The following STOX2 variants were observed in gnomAD, a reference collection of about 807,000 sequenced individuals.
STOX2 encodes storkhead box 2, also known as storkhead-box protein 2.
STOX2 carries 28 observed loss-of-function variants against 60.9 expected under a neutral mutation model. The observed-to-expected ratio is 0.46, with a 90% CI of 0.34 to 0.63. STOX2 has a LOEUF of 0.63. Among genes scored for constraint, STOX2 ranks in the 30% least tolerant of loss-of-function variants. STOX2 has a pLI of 0.01. For synonymous variants in STOX2, 472 were observed against 463.9 expected (o/e 1.02, Z -0.22); for missense variants, 1,024 against 1,187.7 (o/e 0.86, Z 2.03).
intron 1 of STOX2, among the ~76,000 whole-genome samples, chr4:183,879,226 C>G (rs1209692174): frequency 6.6e-6 from 1 of 152,222 alleles, no homozygotes; most frequent in Non-Finnish European, 1.5e-5. Flanking sequence ...TGTCCCCGGG[C>G]TCACTGCCAC....
intron 1 of STOX2, among the ~76,000 whole-genome samples, chr4:183,807,784 C>T (rs1002250882): frequency 1.3e-5 from 2 of 152,182 alleles, no homozygotes; most frequent in East Asian, 1.9e-4. Flanking sequence ...GCATGGGAGA[C>T]GGCCCAGATG....
rs149081623 is a variant in STOX2, at chr4:183,889,314, G to A, written c.364+91259G>A. 8.9e-4 allele frequency among the ~76,000 whole-genome samples: 136 copies of A among 152,190 alleles called. 1 individual carries two copies. The highest frequency in any genetic ancestry group is 8.6e-3 in the East Asian group (44 of 5,128). ...GGAAACTGGGACACAGGCACACAGG[G>A]AGAATGCACAGACAGGGACGGTAAT... is the stretch of plus-strand genomic sequence containing the variant. On this transcript the variant is annotated intron_variant, in intron 1 of 2. Coordinates refer to the STOX2 transcript ENST00000513034.
chr4:183,828,998 C>T (rs116765759), intron 1 of STOX2, among the ~76,000 whole-genome samples: 2,127 of 152,318 alleles, frequency 0.014, 24 homozygotes, highest in Admixed American at 0.021. Context: ...AGCAGTTTGG[C>T]TTGGGTGCCA....
chr4:183,810,668 G>A (rs1053527528), intron 1 of STOX2, among the ~76,000 whole-genome samples: 1 of 152,176 alleles, frequency 6.6e-6, no homozygotes, highest in Non-Finnish European at 1.5e-5. Flanking sequence ...GATTAATGCT[G>A]TTATCTTGGG....
rs535551260 is a variant in STOX2, at chr4:183,913,792, G to A, written c.166+6836G>A. ...TCTGGAGTGTGGGGGTGGAGGGGTC[G>A]AGAACAAAACAAACAAAAAAACTGT... is the stretch of plus-strand genomic sequence containing the variant. On this transcript the variant is annotated intron_variant, in intron 1 of 3. Coordinates refer to ENST00000308497, the MANE Select transcript of STOX2 (RefSeq NM_020225.3). Among the ~76,000 whole-genome samples, 6 of 152,036 alleles carry A rather than the reference G, an allele frequency of 3.9e-5. No individual in the cohort carries two copies. The East Asian group carries it at 5.8e-4, about 15-fold the overall frequency.
rs1346701242 is a variant in STOX2, at chr4:183,995,453, C to A, written c.167-5872C>A. On this transcript the variant is annotated intron_variant, in intron 1 of 3. Coordinates refer to ENST00000308497, the MANE Select transcript of STOX2 (RefSeq NM_020225.3). ...GAGAGAGTTTTTTTTAAAATAACTC[C>A]AACTAAAGTAATGGGCCAGAAGTTG... is the stretch of plus-strand genomic sequence containing the variant. Among the ~76,000 whole-genome samples, 3 of 151,632 alleles carry A rather than the reference C, an allele frequency of 2.0e-5. No homozygotes were observed. In the East Asian group the frequency reaches 5.8e-4, roughly 29 times the overall value.
chr4:183,926,053 C>G (rs751092272), intron 1 of STOX2, among the ~76,000 whole-genome samples: 71 of 152,178 alleles, frequency 4.7e-4, no homozygotes, highest in Admixed American at 9.2e-4. Flanking sequence ...ATGGGAGAAC[C>G]AAGTAATTCT....
intron 1 of STOX2, among the ~76,000 whole-genome samples, chr4:183,864,927 C>T (rs1432788623): frequency 1.3e-5 from 2 of 152,154 alleles, no homozygotes; most frequent in Admixed American, 6.5e-5. Context: ...TCTTATGATA[C>T]TCTCTTTCTC....
chr4:184,007,034 A>AG (rs1733893448), intron 2 of STOX2, among the ~76,000 whole-genome samples: 1 of 64,572 alleles, frequency 1.5e-5, no homozygotes, highest in African/African-American at 5.1e-5. Context: ...AAAAAAAAAC[A>AG]AAACAAAAAA....
intron 1 of STOX2, among the ~76,000 whole-genome samples, chr4:183,974,745 T>A (rs1240306089): frequency 3.9e-5 from 6 of 152,064 alleles, no homozygotes; most frequent in Non-Finnish European, 8.8e-5. Context: ...AATGGACAAT[T>A]ATAGTTAGGG....
rs1734581544 is a variant in STOX2, at chr4:184,021,279, G to C, written c.*3995G>C. On this transcript the variant is annotated 3_prime_UTR_variant, in exon 4 of 4. Transcript: ENST00000308497. Reference sequence around the variant, plus strand: ...TACTTACAACGAATTAACAAAAGGAGTGACTTAAGATTCTCCAGGAACACA... The same window carrying C: ...TACTTACAACGAATTAACAAAAGGACTGACTTAAGATTCTCCAGGAACACA... The C allele has an allele frequency of 1.3e-5, 2 of 152,150 alleles. No homozygotes were observed. The highest frequency in any genetic ancestry group is 4.2e-4 in the South Asian group (2 of 4,816). 9.4% of individuals were successfully genotyped at this position (152,150 alleles called of 1,614,324 possible).
intron 1 of STOX2, among the ~76,000 whole-genome samples, chr4:183,916,402 G>A (rs34186864): frequency 0.12 from 18,408 of 152,188 alleles, 1,367 homozygotes; most frequent in African/African-American, 0.2. Context: ...ATAGTTCAAT[G>A]TTACCATCAC....
intron 1 of STOX2, among the ~76,000 whole-genome samples, chr4:183,935,940 T>G (rs1742577955): frequency 6.6e-6 from 1 of 152,260 alleles, no homozygotes; most frequent in African/African-American, 2.4e-5. Flanking sequence ...TTATATACCC[T>G]GAAGCATCCT....
intron 1 of STOX2, among the ~76,000 whole-genome samples, chr4:183,995,632 G>T (rs1560928523): frequency 6.6e-6 from 1 of 152,190 alleles, no homozygotes; most frequent in Non-Finnish European, 1.5e-5. Flanking sequence ...AGTGATTTTA[G>T]GAATCACCAG....
At chr4:183,945,321 C>T (rs1178686156) in intron 1 of STOX2, among the ~76,000 whole-genome samples, 3 of 152,156 alleles carry the variant, frequency 2.0e-5, no homozygotes, top group Admixed American at 1.3e-4. Context: ...CTGATTTTAA[C>T]ATGAGGGTAC....
chr4:183,929,850 C>A (rs1175962985), intron 1 of STOX2, among the ~76,000 whole-genome samples: 2 of 152,164 alleles, frequency 1.3e-5, no homozygotes, highest in East Asian at 3.9e-4. Context: ...ACCAATTATC[C>A]TAGCTATATA....
At chr4:183,969,344 G>T (rs1424530450) in intron 1 of STOX2, among the ~76,000 whole-genome samples, 3 of 152,320 alleles carry the variant, frequency 2.0e-5, no homozygotes, top group African/African-American at 7.2e-5. Context: ...AACTTGTATT[G>T]ATAGCTTTCG....
rs1249175764 is a variant in STOX2, at chr4:183,907,018, C to T, written c.166+62C>T. The T allele has an allele frequency of 2.0e-5, 28 of 1,404,454 alleles. No homozygotes were observed. In the East Asian group the frequency reaches 3.3e-4, roughly 17 times the overall value. The allele number at this position is 1,404,454 out of a possible 1,614,324, so 87.0% of individuals were successfully genotyped here. ...GCCGCGGGACGTGCTCGGTACGCCG[C>T]GGCCCGGGTGCTTGGAGGAGAGGAC... On this transcript the variant is annotated intron_variant, in intron 1 of 3. Transcript: ENST00000308497.
chr4:183,839,420 GAATT>G (rs1318893996), intron 1 of STOX2, among the ~76,000 whole-genome samples: 1 of 152,132 alleles, frequency 6.6e-6, no homozygotes, highest in African/African-American at 2.4e-5. Flanking sequence ...ATATAGGCAA[GAATT>G]AAAACACACA....
Sources: gnomAD v4.1 joint callset for allele counts (sites outside exome capture counted in the v4.1 genomes callset) on GRCh38, gnomAD v4.1.1 for gene constraint, MANE v1.5 for transcripts, NCBI Gene and HGNC (gene_info 2026-07-23, HGNC 2026-07-21) for gene names.